The following EXT1 variants were observed in gnomAD, a reference collection of about 807,000 sequenced individuals.
The protein encoded by EXT1 is exostosin glycosyltransferase 1.
Under a neutral mutation model 82.5 loss-of-function variants are expected in EXT1, and 20 were observed. That is an observed-to-expected ratio of 0.24 (90% CI 0.17 to 0.35). The LOEUF is 0.35. EXT1 is among the 10% of genes least tolerant of loss of function. The probability of loss-of-function intolerance (pLI) is 1.00; values close to 1 mark genes in which losing one functional copy is unlikely to be tolerated. For missense variants in EXT1, 757 were observed against 936.5 expected, an observed-to-expected ratio of 0.81 and a Z score of 2.50; for synonymous variants, 348 against 350.8, an observed-to-expected ratio of 0.99 and a Z score of 0.09.
intron 7 of EXT1, 49 bp from the exon 8 acceptor site, chr8:117,813,010 T>G (rs1586993241): frequency 1.0e-3 from 1,285 of 1,288,124 alleles, no homozygotes; most frequent in Non-Finnish European, 1.3e-3. Context: ...GGGAAAGAGG[T>G]AACTTCAGAG....
At chr8:117,939,181 A>G (rs958318368) in intron 1 of EXT1, among the ~76,000 whole-genome samples, 1 of 152,170 alleles carries the variant, frequency 6.6e-6, no homozygotes, top group African/African-American at 2.4e-5. Context: ...ACAACAGCCA[A>G]CATCTGTGAA....
intron 2 of EXT1, among the ~76,000 whole-genome samples, 197 bp downstream of exon 2, chr8:117,836,911 A>C (rs1234720293): frequency 6.6e-6 from 1 of 152,186 alleles, no homozygotes; most frequent in East Asian, 1.9e-4. Context: ...AATTTCTTAC[A>C]TCTAAAATTA....
At chr8:118,102,224 G>A (rs1426581105) in intron 1 of EXT1, among the ~76,000 whole-genome samples, 5 of 151,938 alleles carry the variant, frequency 3.3e-5, no homozygotes, top group African/African-American at 7.2e-5. Flanking sequence ...CCGAGATCGC[G>A]CCACTGCACT....
rs569422826 is a variant in EXT1 at position 118,097,597 on chromosome 8, C to T, written c.962+12488G>A. ...CCCACTGCCTTAACCCACTTCCATACGTTGCTTTACTTCACAGCATCCAGC... is the reference window on the plus strand; with the variant it reads ...CCCACTGCCTTAACCCACTTCCATATGTTGCTTTACTTCACAGCATCCAGC... On this transcript the variant is annotated intron_variant, in intron 1 of 10. Transcript: ENST00000378204. Among the ~76,000 whole-genome samples the T allele has an allele frequency of 1.8e-4, 27 of 152,302 alleles. No homozygotes were observed. In the East Asian group the frequency reaches 2.5e-3, roughly 14 times the overall value.
At chr8:117,963,490 A>T (rs1280725711) in intron 1 of EXT1, among the ~76,000 whole-genome samples, 1 of 151,478 alleles carries the variant, frequency 6.6e-6, no homozygotes, top group African/African-American at 2.4e-5. Context: ...GTGGTTTTTC[A>T]TTTTTTTATT....
At chr8:118,096,620 G>GAGGAAGGAAGGAAGGAAGGAAGGA (rs1239217428) in intron 1 of EXT1, among the ~76,000 whole-genome samples, 1 of 40,188 alleles carries the variant, frequency 2.5e-5, no homozygotes, top group East Asian at 1.2e-3. Flanking sequence ...AGGAAGGAAG[G>GAGGAAGGAAGGAAGGAAGGAAGGA]AGGAAGGAAG....
At chr8:117,987,897 G>A (rs940068412) in intron 1 of EXT1, among the ~76,000 whole-genome samples, 20 of 152,130 alleles carry the variant, frequency 1.3e-4, no homozygotes, top group African/African-American at 4.3e-4. Context: ...AGACCAGCCT[G>A]GGCAACATAG....
chr8:118,002,779 G>A (rs188730349), intron 1 of EXT1, among the ~76,000 whole-genome samples: 142 of 152,046 alleles, frequency 9.3e-4, no homozygotes, highest in African/African-American at 2.6e-3. Flanking sequence ...TGATCCACCC[G>A]CCTCAGCCTC....
At chr8:117,933,903 T>A (rs561602398) in intron 1 of EXT1, among the ~76,000 whole-genome samples, 54 of 152,214 alleles carry the variant, frequency 3.5e-4, no homozygotes, top group African/African-American at 1.2e-3. Flanking sequence ...GCTCCTGCTG[T>A]CCAGCCTTGC....
chr8:118,052,638 T>C (rs887937208), intron 1 of EXT1, among the ~76,000 whole-genome samples: 6 of 152,216 alleles, frequency 3.9e-5, no homozygotes, highest in Non-Finnish European at 4.4e-5. Context: ...TTAAACCCCA[T>C]TTAATAGCCA....
chr8:118,015,620 G>C (rs1343035583), intron 1 of EXT1, among the ~76,000 whole-genome samples: 1 of 152,156 alleles, frequency 6.6e-6, no homozygotes, highest in Non-Finnish European at 1.5e-5. Context: ...TTGGGGGAAG[G>C]AACACGGCAG....
chr8:118,018,143 A>T (rs567045729), intron 1 of EXT1, among the ~76,000 whole-genome samples: 2 of 152,208 alleles, frequency 1.3e-5, no homozygotes, highest in African/African-American at 4.8e-5. Flanking sequence ...TGCAAAATTC[A>T]TAAGTTGAAG....
chr8:117,946,337 A>G (rs1235658561), intron 1 of EXT1, among the ~76,000 whole-genome samples: 4 of 151,894 alleles, frequency 2.6e-5, no homozygotes, highest in Non-Finnish European at 5.9e-5. Flanking sequence ...CCTTGGCATA[A>G]AGACTTGAGT....
intron 1 of EXT1, among the ~76,000 whole-genome samples, chr8:117,920,401 C>T (rs1813833796): frequency 6.6e-6 from 1 of 152,092 alleles, no homozygotes; most frequent in Non-Finnish European, 1.5e-5. Flanking sequence ...CGCACCTGGC[C>T]CAATTTTTAA....
intron 1 of EXT1, among the ~76,000 whole-genome samples, chr8:117,850,641 A>T (rs1324276829): frequency 6.6e-6 from 1 of 152,246 alleles, no homozygotes; most frequent in African/African-American, 2.4e-5. Flanking sequence ...AAGCCAAGTC[A>T]GAGCTAAAGC....
chr8:117,822,082 G>A (rs916741081), intron 5 of EXT1, among the ~76,000 whole-genome samples: 2 of 151,672 alleles, frequency 1.3e-5, no homozygotes, highest in Admixed American at 6.6e-5. Flanking sequence ...TTTTTCTTTG[G>A]TAAGGAATAG....
chr8:118,010,744 G>T (rs1027833244), intron 1 of EXT1, among the ~76,000 whole-genome samples: 4 of 152,166 alleles, frequency 2.6e-5, no homozygotes, highest in African/African-American at 9.7e-5. Flanking sequence ...GAGTGTGATC[G>T]CAGGCTCTGT....
intron 1 of EXT1, among the ~76,000 whole-genome samples, chr8:117,984,869 C>T (rs1799868407): frequency 6.6e-6 from 1 of 152,070 alleles, no homozygotes; most frequent in South Asian, 2.1e-4. Flanking sequence ...CAGTTTCCAC[C>T]ACCTCAAAAA....
In EXT1 at chr8:117,822,474, C is replaced by T. The variant is rs746738537; in HGVS notation, c.1408G>A (p.Ala470Thr). The change falls in exon 5 of 11, where the codon GCT (alanine) becomes ACT (threonine). Residue 470 changes from alanine to threonine, a missense_variant. Ala to Thr is a moderately conservative substitution (Grantham distance 58). Coordinates refer to ENST00000378204, the MANE Select transcript of EXT1 (RefSeq NM_000127.3). The stretch of plus-strand genomic sequence containing the variant: ...GAGGAAATTCACTTACCTAAATTAG[C>T]ATAGTAGTAAGGAAAATCTCCCAGA... The part of the protein sequence containing the change: ...SYLGDFPYYY[A>T]NLGLKPPSKF... The T allele has an allele frequency of 1.1e-5, 18 of 1,613,124 alleles. No homozygotes were observed. The highest frequency in any genetic ancestry group is 1.4e-5 in the Non-Finnish European group (17 of 1,179,680).
Sources: allele counts gnomAD v4.1 joint callset (sites outside exome capture counted in the v4.1 genomes callset), GRCh38; gene constraint gnomAD v4.1.1; transcripts MANE v1.5; gene names NCBI Gene and HGNC (gene_info 2026-07-23, HGNC 2026-07-21).